APTX: variants seen among roughly 807,000 people sequenced by gnomAD.
APTX encodes the protein aprataxin, also known as forkhead-associated domain histidine triad-like protein.
Under a neutral mutation model 42.3 loss-of-function variants are expected in APTX, and 33 were observed. The observed-to-expected ratio is 0.78, with a 90% CI of 0.59 to 1.04. The LOEUF (loss-of-function observed/expected upper bound fraction) is 1.04. Ranked by LOEUF, APTX falls within the 50% of genes least tolerant of loss-of-function variation. The pLI is 0.00. For missense variants in APTX, 421 were observed against 415.1 expected (o/e 1.01, Z -0.12); for synonymous variants, 130 against 146.7 (o/e 0.89, Z 0.82).
chr9:32,988,806 T>C (rs1199644586), intron 2 of APTX, among the ~76,000 whole-genome samples: 1 of 150,712 alleles, frequency 6.6e-6, no homozygotes, highest in Non-Finnish European at 1.5e-5. Context: ...CTTTAAAAGA[T>C]AAAACAGTAA....
intron 1 of APTX, among the ~76,000 whole-genome samples, chr9:33,008,873 C>A (rs1837343684): frequency 6.6e-6 from 1 of 152,142 alleles, no homozygotes; most frequent in Non-Finnish European, 1.5e-5. Flanking sequence ...TAATGATAAT[C>A]TTTTCAAATT....
At chr9:33,020,642 GGAAA>G in intron 1 of APTX, among the ~76,000 whole-genome samples, 1 of 152,332 alleles carries the variant, frequency 6.6e-6, no homozygotes, top group East Asian at 1.9e-4. Context: ...GAACAGATGA[GGAAA>G]GAGAAAAGAA....
intron 1 of APTX, among the ~76,000 whole-genome samples, chr9:33,009,457 C>A (rs1837382194): frequency 6.6e-6 from 1 of 152,048 alleles, no homozygotes; most frequent in African/African-American, 2.4e-5. Flanking sequence ...TCTTTTCTCC[C>A]TAATTCACTC....
At chr9:33,016,565 G>A (rs889090577) in intron 1 of APTX, among the ~76,000 whole-genome samples, 9 of 152,010 alleles carry the variant, frequency 5.9e-5, no homozygotes, top group Non-Finnish European at 1.2e-4. Flanking sequence ...GACTTCTTTC[G>A]GCTTTCTACC....
chr9:33,016,508 G>A (rs975516200), intron 1 of APTX, among the ~76,000 whole-genome samples: 2 of 151,818 alleles, frequency 1.3e-5, no homozygotes, highest in Non-Finnish European at 2.9e-5. Context: ...TCTTCCTTTA[G>A]GTTTAAAAAA....
intron 1 of APTX, among the ~76,000 whole-genome samples, chr9:33,011,287 T>C (rs890177726): frequency 6.7e-6 from 1 of 149,796 alleles, no homozygotes; most frequent in African/African-American, 2.4e-5. Flanking sequence ...TGGAGCACCA[T>C]ATTTTTTTTT....
intron 1 of APTX, among the ~76,000 whole-genome samples, chr9:33,024,473 G>C (rs1838682774): frequency 6.6e-6 from 1 of 152,168 alleles, no homozygotes; most frequent in South Asian, 2.1e-4. Context: ...GGATTTAAAA[G>C]TGAGGTCAAA....
upstream of APTX, among the ~76,000 whole-genome samples, chr9:33,004,763 G>T (rs1837010495): frequency 6.6e-6 from 1 of 151,044 alleles, no homozygotes; most frequent in Non-Finnish European, 1.5e-5. Context: ...CTCCTGAGTA[G>T]CTGGGACTAC....
intron 1 of APTX, among the ~76,000 whole-genome samples, chr9:33,009,597 A>G (rs1837394225): frequency 6.6e-6 from 1 of 152,002 alleles, no homozygotes; most frequent in Non-Finnish European, 1.5e-5. Flanking sequence ...TGGGCAACAA[A>G]GTGAGACCCT....
intron 1 of APTX, among the ~76,000 whole-genome samples, chr9:33,009,145 G>A (rs1837358618): frequency 6.6e-6 from 1 of 152,154 alleles, no homozygotes; most frequent in Non-Finnish European, 1.5e-5. Flanking sequence ...GATGATTACT[G>A]TAATCCCAAG....
chr9:33,007,785 T>A (rs1268993674), intron 1 of APTX, among the ~76,000 whole-genome samples: 1 of 150,760 alleles, frequency 6.6e-6, no homozygotes, highest in Non-Finnish European at 1.5e-5. Flanking sequence ...AAAAAGTAGG[T>A]AAACATGTTT....
chr9:33,009,006 C>G (rs1281780958), intron 1 of APTX, among the ~76,000 whole-genome samples: 1 of 152,198 alleles, frequency 6.6e-6, no homozygotes, highest in African/African-American at 2.4e-5. Flanking sequence ...AATCTTCCAA[C>G]TATAATTTAC....
Position 33,001,185 on chromosome 9 carries a change from G to A in APTX, c.-5+382C>T, listed in dbSNP as rs1836349048. Reference sequence around the variant, plus strand: ...TCTGGCATTCCCTACAAGGCCTGTTGAGGATGCTGCTAAGGTCCCTCAAGT... The same window carrying A: ...TCTGGCATTCCCTACAAGGCCTGTTAAGGATGCTGCTAAGGTCCCTCAAGT... On this transcript the variant is annotated intron_variant, in intron 1 of 7. Coordinates refer to ENST00000379817, the MANE Select transcript of APTX (RefSeq NM_001195248.2). 10 of 774,330 alleles carry A rather than the reference G, an allele frequency of 1.3e-5. No homozygotes were observed. In the South Asian group the frequency reaches 1.7e-4, roughly 13 times the overall value. 48.0% of individuals were successfully genotyped at this position (774,330 alleles called of 1,614,324 possible).
chr9:32,991,587 G>T (rs1422261383), intron 1 of APTX, among the ~76,000 whole-genome samples: 1 of 152,082 alleles, frequency 6.6e-6, no homozygotes, highest in Admixed American at 6.6e-5. Context: ...TTTGTGACCA[G>T]CCTAGCCAAC....
intron 1 of APTX, among the ~76,000 whole-genome samples, chr9:32,990,792 G>A (rs902172122): frequency 6.6e-6 from 1 of 152,124 alleles, no homozygotes; most frequent in African/African-American, 2.4e-5. Flanking sequence ...TAAAAAAGAT[G>A]TTCTCTAGTG....
At chr9:33,008,982 TA>T (rs1262009622) in intron 1 of APTX, among the ~76,000 whole-genome samples, 1 of 152,250 alleles carries the variant, frequency 6.6e-6, no homozygotes, top group Non-Finnish European at 1.5e-5. Flanking sequence ...CTACACCCTG[TA>T]AATTCACTTT....
chr9:32,995,786 A>G (rs1052684505), intron 1 of APTX, among the ~76,000 whole-genome samples: 54 of 151,682 alleles, frequency 3.6e-4, no homozygotes, highest in African/African-American at 1.2e-3. Flanking sequence ...TACTCTGGAG[A>G]CTGAGGCAGG....
intron 1 of APTX, among the ~76,000 whole-genome samples, chr9:33,023,394 T>C (rs1236331110): frequency 6.6e-6 from 1 of 151,952 alleles, no homozygotes; most frequent in Non-Finnish European, 1.5e-5. Flanking sequence ...TGGCTAATTG[T>C]TTCTATTTTT....
At chr9:33,012,484 A>C (rs1837609954) in intron 1 of APTX, among the ~76,000 whole-genome samples, 1 of 152,174 alleles carries the variant, frequency 6.6e-6, no homozygotes, top group Non-Finnish European at 1.5e-5. Context: ...GTACAATACA[A>C]GCAGAACCTT....
Sources: allele counts gnomAD v4.1 joint callset (sites outside exome capture counted in the v4.1 genomes callset), GRCh38; gene constraint gnomAD v4.1.1; transcripts MANE v1.5; gene names NCBI Gene and HGNC (gene_info 2026-07-23, HGNC 2026-07-21).